The following DLC1 variants were observed in gnomAD, a reference collection of about 807,000 sequenced individuals.
DLC1 encodes rho GTPase-activating protein 7.
In DLC1, 54 loss-of-function variants were observed where a neutral mutation model predicts 140.3. The observed-to-expected ratio is 0.38, with a 90% confidence interval of 0.31 to 0.48. The LOEUF (loss-of-function observed/expected upper bound fraction) is 0.48, where lower values mean the gene tolerates loss of function less well. DLC1 is among the 20% of genes least tolerant of loss of function. DLC1 has a pLI of 0.96. For missense variants in DLC1, 2,536 were observed against 1,907.0 expected, an observed-to-expected ratio of 1.33 and a Z score of -6.14; for synonymous variants, 986 against 728.1, an observed-to-expected ratio of 1.35 and a Z score of -5.70.
intron 4 of DLC1, among the ~76,000 whole-genome samples, chr8:13,312,386 A>AAAAAAAAAAAAAAAAAAATAAT (rs71207139): frequency 4.9e-5 from 4 of 81,678 alleles, no homozygotes; most frequent in Non-Finnish European, 7.5e-5. Context: ...AAAAAAAAAA[A>AAAAAAAAAAAAAAAAAAATAAT]AATAATTTCT....
intron 4 of DLC1, among the ~76,000 whole-genome samples, chr8:13,306,309 A>C (rs914559676): frequency 6.6e-6 from 1 of 152,200 alleles, no homozygotes; most frequent in Non-Finnish European, 1.5e-5. Context: ...GTCTAGTTCT[A>C]CTGTTTGTGG....
At chr8:13,517,148 C>G (rs546959693), upstream of DLC1, among the ~76,000 whole-genome samples, 17 of 152,272 alleles carry the variant, frequency 1.1e-4, no homozygotes, top group African/African-American at 3.6e-4. Context: ...GGAATGAGAA[C>G]TGATATTATG....
chr8:13,519,834 A>G (rs1802709442), upstream of DLC1, among the ~76,000 whole-genome samples: 1 of 152,250 alleles, frequency 6.6e-6, no homozygotes, highest in Non-Finnish European at 1.5e-5. Flanking sequence ...ACACTTCTCA[A>G]AAGAAGACGT....
rs527948029 is a variant in DLC1 at position 13,476,730 on chromosome 8, G to C, written c.1023+22319C>G. ...TCATTTATTCAACTTTGAATATCTT[G>C]TTCATCTTTGAACACAATGACAAAT... is the stretch of plus-strand genomic sequence containing the variant. On this transcript the variant is annotated intron_variant, in intron 2 of 17. Coordinates refer to ENST00000276297, the MANE Select transcript of DLC1 (RefSeq NM_182643.3). Among the ~76,000 whole-genome samples, 8 of 152,168 alleles carry C rather than the reference G, an allele frequency of 5.3e-5. No homozygotes were observed. In the East Asian group the frequency reaches 9.7e-4, roughly 18 times the overall value.
chr8:13,556,833 C>T (rs1272924880), intron 1 of DLC1, among the ~76,000 whole-genome samples: 3 of 152,194 alleles, frequency 2.0e-5, no homozygotes, highest in African/African-American at 4.8e-5. Flanking sequence ...GCTAGACTAT[C>T]AAATGCATTA....
chr8:13,551,075 C>CACTT lies in DLC1; in HGVS notation c.-125-50880_-125-50879insAAGT, dbSNP rs71207163. On this transcript the variant is annotated intron_variant, in intron 1 of 1. Transcript: ENST00000631382. The stretch of plus-strand genomic sequence containing the variant: ...ACACACACACACACACACACACACA[C>CACTT]TTTTTTTTTTTTTCCAAAGAACACT... Among the ~76,000 whole-genome samples, 1,050 of 121,656 alleles carry CACTT rather than the reference C, an allele frequency of 8.6e-3. 3 individuals are homozygous for CACTT. The highest frequency in any genetic ancestry group is 0.018 in the South Asian group (62 of 3,396). 79.8% of individuals were successfully genotyped at this position (121,656 alleles called of 152,430 possible). A position where few individuals can be genotyped will look rare whatever the true frequency, so the allele number is the denominator to read the frequency against.
At chr8:13,488,194 A>C (rs1284808907) in intron 2 of DLC1, among the ~76,000 whole-genome samples, 1 of 152,230 alleles carries the variant, frequency 6.6e-6, no homozygotes, top group Non-Finnish European at 1.5e-5. Flanking sequence ...CATTCCGTAC[A>C]TGATTCTTAT....
rs999571127 is a variant in DLC1, at chr8:13,567,177, A to G, written c.-126+37360T>C. ...AACTGGAGAGGGAAAAGCAGACTCC[A>G]AGCTTGGAACAAGGAGACACACAAT... On this transcript the variant is annotated intron_variant, in intron 1 of 1. Coordinates refer to the DLC1 transcript ENST00000631382. 7.1e-6 allele frequency: 11 copies of G among 1,551,832 alleles called. No homozygotes were observed. In the African/African-American group the frequency reaches 1.4e-4, roughly 19 times the overall value.
At chr8:13,108,311 T>C (rs911000191) in intron 7 of DLC1, among the ~76,000 whole-genome samples, 1 of 152,174 alleles carries the variant, frequency 6.6e-6, no homozygotes, top group East Asian at 1.9e-4. Context: ...GGCCTGATAA[T>C]TTAATTTTTA....
At chr8:13,402,641 A>C (rs758829322) in intron 2 of DLC1, among the ~76,000 whole-genome samples, 6 of 152,206 alleles carry the variant, frequency 3.9e-5, no homozygotes, top group Non-Finnish European at 5.9e-5. Flanking sequence ...CCAGTGGCTG[A>C]TGTCAGTGGA....
At chr8:13,561,761 T>C (rs1381827172) in intron 1 of DLC1, among the ~76,000 whole-genome samples, 1 of 152,224 alleles carries the variant, frequency 6.6e-6, no homozygotes, top group Non-Finnish European at 1.5e-5. Context: ...AGAACTATGA[T>C]AAATTTTATA....
At chr8:13,276,620 C>G in intron 5 of DLC1, 1 of 1,222,730 alleles carries the variant, frequency 8.2e-7, no homozygotes, top group Non-Finnish European at 1.0e-6. Context: ...GCGCCGGCGA[C>G]ACCCTCGCGG....
At chr8:13,378,542 A>G (rs1029753387) in intron 4 of DLC1, among the ~76,000 whole-genome samples, 1 of 152,170 alleles carries the variant, frequency 6.6e-6, no homozygotes, top group African/African-American at 2.4e-5. Context: ...ACCTGAAAAG[A>G]TTCTTCTACA....
chr8:13,397,531 A>G (rs1837103359), intron 3 of DLC1, among the ~76,000 whole-genome samples: 1 of 152,140 alleles, frequency 6.6e-6, no homozygotes, highest in Non-Finnish European at 1.5e-5. Context: ...ATAACCAATA[A>G]TTAAATTAAG....
chr8:13,593,391 A>T (rs990601859), intron 1 of DLC1, among the ~76,000 whole-genome samples: 1 of 152,128 alleles, frequency 6.6e-6, no homozygotes, highest in Non-Finnish European at 1.5e-5. Flanking sequence ...GCTCCCCAGA[A>T]GCTGAGTGTA....
At chr8:13,320,057 C>G (rs1053966464) in intron 4 of DLC1, among the ~76,000 whole-genome samples, 3 of 152,096 alleles carry the variant, frequency 2.0e-5, no homozygotes, top group South Asian at 4.2e-4. Flanking sequence ...TTGATCCGCC[C>G]GCCTTGGCCT....
rs879896694 is a variant in DLC1, at chr8:13,088,203, C to CT, written c.4292+283_4292+284insA. The stretch of plus-strand genomic sequence containing the variant: ...CAAGGGATCCTCCTGCCTCGGCCTC[C>CT]CGAGTAGCTAGGACTACAGGCATGC... On this transcript the variant is annotated intron_variant, in intron 16 of 17. Coordinates refer to ENST00000276297, the MANE Select transcript of DLC1 (RefSeq NM_182643.3). Among the ~76,000 whole-genome samples, 714 of 152,286 alleles carry CT rather than the reference C, an allele frequency of 4.7e-3. 14 individuals are homozygous for CT. The highest frequency in any genetic ancestry group is 0.046 in the East Asian group (236 of 5,174).
At chr8:13,119,976 A>G (rs1244424953) in intron 5 of DLC1, among the ~76,000 whole-genome samples, 2 of 78,108 alleles carry the variant, frequency 2.6e-5, no homozygotes, top group Non-Finnish European at 8.0e-5. Context: ...CAAATGCCAT[A>G]GTGAGAGAAG....
intron 4 of DLC1, among the ~76,000 whole-genome samples, chr8:13,378,471 T>C (rs1294077519): frequency 6.6e-6 from 1 of 152,026 alleles, no homozygotes; most frequent in Non-Finnish European, 1.5e-5. Context: ...AATATCTGTA[T>C]TGGGTGAAGG....
Sources: gnomAD v4.1 joint callset for allele counts (sites outside exome capture counted in the v4.1 genomes callset) on GRCh38, gnomAD v4.1.1 for gene constraint, MANE v1.5 for transcripts, NCBI Gene and HGNC (gene_info 2026-07-23, HGNC 2026-07-21) for gene names.